ADGRB3: variants seen among roughly 807,000 people sequenced by gnomAD.
ADGRB3 encodes adhesion G protein-coupled receptor B3.
ADGRB3 carries 37 observed loss-of-function variants against 193.4 expected under a neutral mutation model. The ratio of observed to expected loss-of-function variants is 0.19; its 90% CI spans 0.15 to 0.25. The LOEUF is 0.25. Among genes scored for constraint, ADGRB3 ranks in the 10% least tolerant of loss-of-function variants. The pLI is 1.00. For missense variants in ADGRB3, 1,637 were observed against 1,852.9 expected, an observed-to-expected ratio of 0.88 and a Z score of 2.14; for synonymous variants, 690 against 644.2, an observed-to-expected ratio of 1.07 and a Z score of -1.08.
chr6:68,674,872 C>T (rs1261092339), intron 3 of ADGRB3, among the ~76,000 whole-genome samples: 1 of 152,118 alleles, frequency 6.6e-6, no homozygotes. Flanking sequence ...GTATGTTTTT[C>T]TAAAACTGTA....
intron 20 of ADGRB3, among the ~76,000 whole-genome samples, chr6:69,298,649 G>T (rs1038323684): frequency 6.6e-6 from 1 of 151,908 alleles, no homozygotes; most frequent in Non-Finnish European, 1.5e-5. Flanking sequence ...GTTCTTTTGT[G>T]TCTGGCTTAT....
At chr6:68,810,385 G>A (rs1767487437) in intron 3 of ADGRB3, among the ~76,000 whole-genome samples, 1 of 152,182 alleles carries the variant, frequency 6.6e-6, no homozygotes, top group African/African-American at 2.4e-5. Context: ...GACCTTTGGT[G>A]AACTACCTAT....
At chr6:69,008,250 C>T (rs113731674) in intron 11 of ADGRB3, among the ~76,000 whole-genome samples, 5 of 152,212 alleles carry the variant, frequency 3.3e-5, no homozygotes, top group African/African-American at 1.2e-4. Flanking sequence ...ATAAATTCAA[C>T]GAGGGAAGTA....
intron 20 of ADGRB3, among the ~76,000 whole-genome samples, chr6:69,292,364 C>T (rs566872440): frequency 7.9e-5 from 12 of 152,216 alleles, no homozygotes; most frequent in Non-Finnish European, 1.6e-4. Flanking sequence ...TCCCAATTCT[C>T]CTTCCCTTAT....
At chr6:68,770,428 A>G (rs112150822) in intron 3 of ADGRB3, among the ~76,000 whole-genome samples, 2,868 of 152,210 alleles carry the variant, frequency 0.019, 42 homozygotes, top group Non-Finnish European at 0.029. Context: ...TTTTGATAGA[A>G]CAATTGGGAG....
At chr6:69,381,692 A>G (rs1769949596) in intron 30 of ADGRB3, among the ~76,000 whole-genome samples, 1 of 151,904 alleles carries the variant, frequency 6.6e-6, no homozygotes, top group Admixed American at 6.6e-5. Context: ...CAGCTCTCCC[A>G]AAGATATATT....
At chr6:68,898,349 C>T (rs1766298844) in intron 3 of ADGRB3, among the ~76,000 whole-genome samples, 1 of 152,030 alleles carries the variant, frequency 6.6e-6, no homozygotes, top group Non-Finnish European at 1.5e-5. Flanking sequence ...GGATAATGCC[C>T]ACTCGAATTG....
At chr6:68,829,344 C>T (rs1767910373) in intron 3 of ADGRB3, among the ~76,000 whole-genome samples, 1 of 151,900 alleles carries the variant, frequency 6.6e-6, no homozygotes, top group African/African-American at 2.4e-5. Context: ...TCAAATGATC[C>T]ACCCACCTCG....
intron 3 of ADGRB3, among the ~76,000 whole-genome samples, chr6:68,760,262 T>C (rs918538224): frequency 1.3e-5 from 2 of 152,120 alleles, no homozygotes; most frequent in African/African-American, 2.4e-5. Flanking sequence ...CACATACACA[T>C]ACACACATAC....
chr6:69,374,052 G>C (rs988870814), intron 30 of ADGRB3, among the ~76,000 whole-genome samples: 1 of 151,956 alleles, frequency 6.6e-6, no homozygotes, highest in Non-Finnish European at 1.5e-5. Flanking sequence ...AACTTTTGCT[G>C]ATAAATAAGA....
intron 3 of ADGRB3, among the ~76,000 whole-genome samples, chr6:68,816,729 T>C (rs1360492817): frequency 6.6e-6 from 1 of 151,936 alleles, no homozygotes; most frequent in Non-Finnish European, 1.5e-5. Context: ...CACACAAAGG[T>C]TATAATTAAT....
At chr6:68,663,507 G>A (rs2127289980) in intron 3 of ADGRB3, among the ~76,000 whole-genome samples, 1 of 151,752 alleles carries the variant, frequency 6.6e-6, no homozygotes, top group Admixed American at 6.6e-5. Flanking sequence ...TTTTTAAATT[G>A]TGTATATTTG....
chr6:68,819,239 T>C (rs1013943216), intron 3 of ADGRB3, among the ~76,000 whole-genome samples: 3 of 152,006 alleles, frequency 2.0e-5, no homozygotes, highest in African/African-American at 7.2e-5. Context: ...TTTCACTCCA[T>C]TGAAACTGCC....
intron 17 of ADGRB3, among the ~76,000 whole-genome samples, chr6:69,181,601 C>G (rs1051483855): frequency 1.3e-5 from 2 of 152,088 alleles, no homozygotes; most frequent in Non-Finnish European, 2.9e-5. Flanking sequence ...TTGCTTCTTG[C>G]ATATACATTA....
intron 20 of ADGRB3, among the ~76,000 whole-genome samples, chr6:69,280,822 C>G (rs934099814): frequency 5.9e-5 from 9 of 151,822 alleles, no homozygotes; most frequent in African/African-American, 2.2e-4. Flanking sequence ...AATGGCAAAG[C>G]AAAATTACAT....
intron 11 of ADGRB3, among the ~76,000 whole-genome samples, chr6:69,011,286 T>C (rs978988654): frequency 2.0e-5 from 3 of 151,896 alleles, no homozygotes. Flanking sequence ...TATGGAATAT[T>C]ATGCAGCCAT....
At chr6:68,664,128 C>T (rs1768739403) in intron 3 of ADGRB3, among the ~76,000 whole-genome samples, 1 of 151,740 alleles carries the variant, frequency 6.6e-6, no homozygotes, top group South Asian at 2.1e-4. Context: ...TTTTATTTCT[C>T]ATAGCATCCT....
At position 68,936,567 on chromosome 6, in the gene ADGRB3, C is replaced by T; in HGVS notation, c.917C>T (p.Thr306Ile). 1 of 1,614,036 alleles carries T rather than the reference C, an allele frequency of 6.2e-7. No individual in the cohort carries two copies. Among genetic ancestry groups the T allele is most frequent in the Non-Finnish European group, 8.5e-7 (1 of 1,180,000 alleles). ...TCCCAGTGGAGCACATGTTCGGTTACTTGTGGTCAAGGGTCGCAGGTGCGA... is the reference window on the plus strand; with the variant it reads ...TCCCAGTGGAGCACATGTTCGGTTATTTGTGGTCAAGGGTCGCAGGTGCGA... The part of the protein sequence containing the change: ...EWSQWSTCSV[T>I]CGQGSQVRTR... The change falls in exon 5 of 32, where the codon ACT becomes ATT. Residue 306 changes from threonine (T) to isoleucine (I), a missense_variant. Around this residue, in one of 7 missense-constraint regions of ADGRB3, gnomAD observed 365 missense variants for 409.8 expected, o/e 0.89. Transcript: ENST00000370598.
chr6:69,117,087 A>G (rs1223884030), intron 17 of ADGRB3, among the ~76,000 whole-genome samples: 1 of 152,232 alleles, frequency 6.6e-6, no homozygotes, highest in Non-Finnish European at 1.5e-5. Context: ...GGAAAAAAAG[A>G]TAGACAAAAA....
Sources: gnomAD v4.1 joint callset for allele counts (sites outside exome capture counted in the v4.1 genomes callset) on GRCh38, gnomAD v4.1.1 for gene constraint, gnomAD v4.1.1 regional missense constraint, MANE v1.5 for transcripts, NCBI Gene and HGNC (gene_info 2026-07-23, HGNC 2026-07-21) for gene names.